TENM2: variants seen among roughly 807,000 people sequenced by gnomAD.
The protein encoded by TENM2 is teneurin-2.
A neutral mutation model predicts 245.2 loss-of-function variants in TENM2; 52 were observed. The ratio of observed to expected loss-of-function variants is 0.21; its 90% confidence interval spans 0.17 to 0.27. The LOEUF (loss-of-function observed/expected upper bound fraction) is 0.27, where lower values mean the gene tolerates loss of function less well. Ranked by LOEUF, TENM2 falls within the 10% of genes least tolerant of loss-of-function variation. The pLI is 1.00. For missense variants in TENM2, 3,046 were observed against 3,666.8 expected, an observed-to-expected ratio of 0.83 and a Z score of 4.37; for synonymous variants, 1,363 against 1,438.9, an observed-to-expected ratio of 0.95 and a Z score of 1.19.
At chr5:167,938,400 T>C (rs563786104) in intron 3 of TENM2, 1 of 152,338 alleles carries the variant, frequency 6.6e-6, no homozygotes, top group East Asian at 1.9e-4. Context: ...TGTGTCATAA[T>C]GGCCTCTACA....
At chr5:167,393,341 G>C (rs1391609233) in intron 2 of TENM2, among the ~76,000 whole-genome samples, 1 of 152,080 alleles carries the variant, frequency 6.6e-6, no homozygotes, top group Non-Finnish European at 1.5e-5. Context: ...TTTTGCAGTA[G>C]TAAACGGGAG....
chr5:167,594,174 C>T (rs1199890897), intron 2 of TENM2, among the ~76,000 whole-genome samples: 1 of 152,130 alleles, frequency 6.6e-6, no homozygotes, highest in Non-Finnish European at 1.5e-5. Flanking sequence ...TGGCTTGATG[C>T]ACCCACTACT....
At chr5:167,445,878 G>A (rs1765178370) in intron 2 of TENM2, among the ~76,000 whole-genome samples, 2 of 152,120 alleles carry the variant, frequency 1.3e-5, no homozygotes, top group African/African-American at 4.8e-5. Flanking sequence ...TAGGACTCTT[G>A]ACCACAGTCT....
chr5:167,702,542 G>A (rs918412690), intron 2 of TENM2, among the ~76,000 whole-genome samples: 3 of 113,490 alleles, frequency 2.6e-5, no homozygotes, highest in African/African-American at 1.4e-4. Flanking sequence ...ATGTATGTAT[G>A]TGTGTGTGTG....
intron 2 of TENM2, among the ~76,000 whole-genome samples, chr5:167,434,213 A>T (rs1468340388): frequency 6.6e-6 from 1 of 152,018 alleles, no homozygotes; most frequent in South Asian, 2.1e-4. Flanking sequence ...TGAGGTCAGG[A>T]GTTCGAGACC....
chr5:167,208,615 G>C, the TENM2 span, among the ~76,000 whole-genome samples: 7 of 152,120 alleles, frequency 4.6e-5, no homozygotes, highest in African/African-American at 1.4e-4. Context: ...TGAGTTGGAG[G>C]GTTGTCTTCT....
At chr5:167,795,487 C>T (rs140333789) in intron 2 of TENM2, among the ~76,000 whole-genome samples, 63 of 152,090 alleles carry the variant, frequency 4.1e-4, no homozygotes, top group African/African-American at 1.4e-3. Context: ...AGGGAGAAAT[C>T]CACATTAAAT....
intron 2 of TENM2, among the ~76,000 whole-genome samples, chr5:167,650,714 T>C (rs1162917768): frequency 6.6e-6 from 1 of 152,124 alleles, no homozygotes; most frequent in African/African-American, 2.4e-5. Context: ...AGGCGAGTAT[T>C]TTTACTGTGA....
chr5:167,441,419 A>G lies in TENM2; in HGVS notation c.502+65946A>G, dbSNP rs577079217. On this transcript the variant is annotated intron_variant, in intron 2 of 28. Transcript: ENST00000518659. Reference sequence around the variant, plus strand: ...TTCATTTTTCAAGTAAAATTGCTCTATAACGCTATTGATAAATGTTTTTGG... The same window carrying G: ...TTCATTTTTCAAGTAAAATTGCTCTGTAACGCTATTGATAAATGTTTTTGG... 1.3e-5 allele frequency among the ~76,000 whole-genome samples: 2 copies of G among 152,332 alleles called. 1 individual carries two copies. Among genetic ancestry groups the G allele is most frequent in the East Asian group, 3.9e-4 (2 of 5,184 alleles).
At chr5:167,274,100 C>A in the TENM2 span, among the ~76,000 whole-genome samples, 1 of 152,102 alleles carries the variant, frequency 6.6e-6, no homozygotes, top group Non-Finnish European at 1.5e-5. Context: ...CAAAACATTT[C>A]CATCACAAAG....
intron 5 of TENM2, among the ~76,000 whole-genome samples, chr5:168,036,689 A>ATATATATATG (rs1787719919): frequency 8.5e-6 from 1 of 117,778 alleles, no homozygotes; most frequent in African/African-American, 4.1e-5. Flanking sequence ...ATATATATAT[A>ATATATATATG]TATATATATA....
chr5:167,212,866 G>A, the TENM2 span, among the ~76,000 whole-genome samples: 19 of 152,306 alleles, frequency 1.2e-4, no homozygotes, highest in African/African-American at 4.3e-4. Context: ...CATAGGAGGA[G>A]AGCTGGGGGA....
In TENM2 at chr5:168,099,212, G is replaced by A. The variant is rs183276237; in HGVS notation, c.1813+1085G>A. On this transcript the variant is annotated intron_variant, in intron 9 of 28. Coordinates refer to ENST00000518659, the Ensembl canonical transcript of TENM2. ...GGCATGAGCCACTGTGCCCGGCCTC[G>A]TTTTTTTTTAATACCAGTTATTACC... Among the ~76,000 whole-genome samples the A allele has an allele frequency of 7.7e-4, 117 of 151,108 alleles. 1 individual carries two copies. Among genetic ancestry groups the A allele is most frequent in the African/African-American group, 2.5e-3 (104 of 41,096 alleles).
rs1042609283 is a variant in TENM2 at position 167,389,183 on chromosome 5, G to A, written c.502+13710G>A. On this transcript the variant is annotated intron_variant, in intron 2 of 28. Coordinates refer to ENST00000518659, the Ensembl canonical transcript of TENM2. ...TTATATGCATTATTTATAGATATAC[G>A]TTTGTATTAACTATATAACATAGAA... Among the ~76,000 whole-genome samples the A allele has an allele frequency of 1.1e-4, 17 of 150,916 alleles. No homozygotes were observed. The South Asian group carries it at 1.2e-3, about 11-fold the overall frequency.
At chr5:167,499,038 T>C (rs1769005288) in intron 2 of TENM2, among the ~76,000 whole-genome samples, 1 of 152,106 alleles carries the variant, frequency 6.6e-6, no homozygotes, top group Non-Finnish European at 1.5e-5. Context: ...GTGACGTTGT[T>C]TCCATGTGCT....
the TENM2 span, among the ~76,000 whole-genome samples, chr5:167,221,741 AGGAGTGG>A: frequency 2.0e-5 from 3 of 152,224 alleles, no homozygotes; most frequent in Non-Finnish European, 4.4e-5. Context: ...GCAACCAGTG[AGGAGTGG>A]GAGGTAGAAA....
Position 167,827,631 on chromosome 5 carries a change from G to GGT in TENM2, c.503-48354_503-48353insTG, listed in dbSNP as rs1402609154. On this transcript the variant is annotated intron_variant, in intron 2 of 28. Transcript: ENST00000518659. ...TTATGGCAAGGAGCTAGGTGGGCGG[G>GGT]GGGGGGGGAACAGTTTAATGAGCGT... is the stretch of plus-strand genomic sequence containing the variant. Among the ~76,000 whole-genome samples, 777 of 128,504 alleles carry GGT rather than the reference G, an allele frequency of 6.0e-3. 50 individuals carry two copies. Among genetic ancestry groups the GGT allele is most frequent in the African/African-American group, 0.021 (723 of 34,964 alleles). 84.3% of individuals were successfully genotyped at this position (128,504 alleles called of 152,430 possible). A position where few individuals can be genotyped will look rare whatever the true frequency, so the allele number is the denominator to read the frequency against.
At chr5:167,236,832 T>C in the TENM2 span, among the ~76,000 whole-genome samples, 1 of 151,630 alleles carries the variant, frequency 6.6e-6, no homozygotes. Context: ...TCCATACCAC[T>C]GGCTGGCTGA....
the TENM2 span, among the ~76,000 whole-genome samples, chr5:167,085,772 T>C: frequency 6.6e-6 from 1 of 152,290 alleles, no homozygotes; most frequent in South Asian, 2.1e-4. Context: ...TTAAACTCTA[T>C]AATAAATAAT....
Sources: gnomAD v4.1 joint callset for allele counts (sites outside exome capture counted in the v4.1 genomes callset) on GRCh38, gnomAD v4.1.1 for gene constraint, MANE v1.5 for transcripts, NCBI Gene and HGNC (gene_info 2026-07-23, HGNC 2026-07-21) for gene names.